The following ZNF883 variants were observed in gnomAD, a reference collection of about 807,000 sequenced individuals.
ZNF883 encodes the protein zinc finger protein 883.
downstream of ZNF883, among the ~76,000 whole-genome samples, chr9:112,995,013 C>G (rs1397034659): frequency 2.0e-5 from 3 of 152,122 alleles, no homozygotes; most frequent in Non-Finnish European, 4.4e-5. Flanking sequence ...AATAGCCCAT[C>G]ATGGTTAATT....
chr9:112,991,049 A>G (rs1389602348), intron 1 of ZNF883, among the ~76,000 whole-genome samples: 2 of 151,940 alleles, frequency 1.3e-5, no homozygotes, highest in African/African-American at 4.8e-5. Context: ...TTTTTCAAAA[A>G]CCAGCTCCTG....
chr9:113,007,921 A>G (rs575287840), intron 2 of ZNF883, among the ~76,000 whole-genome samples: 2 of 152,080 alleles, frequency 1.3e-5, no homozygotes, highest in East Asian at 3.9e-4. Flanking sequence ...ACTATTTCTG[A>G]AAAGAAAAAG....
At chr9:113,004,469 C>T (rs1305812599) in intron 2 of ZNF883, among the ~76,000 whole-genome samples, 1 of 151,830 alleles carries the variant, frequency 6.6e-6, no homozygotes, top group Non-Finnish European at 1.5e-5. Flanking sequence ...TTAGGTGAGG[C>T]CTTTGGGAGG....
chr9:113,012,190 G>C (rs992373204), exon 1 of ZNF883: 3 of 152,138 alleles, frequency 2.0e-5, no homozygotes, highest in Admixed American at 2.0e-4. Flanking sequence ...GGGCGATGTG[G>C]TTCCCAAGCC....
chr9:112,989,034 T>C (rs1459422411), intron 1 of ZNF883, among the ~76,000 whole-genome samples: 2 of 152,248 alleles, frequency 1.3e-5, no homozygotes, highest in East Asian at 1.9e-4. Flanking sequence ...ATTAGACCTT[T>C]GTCAAATGGA....
intron 2 of ZNF883, among the ~76,000 whole-genome samples, chr9:113,009,797 C>T (rs990253880): frequency 2.3e-4 from 35 of 152,188 alleles, no homozygotes; most frequent in Admixed American, 2.0e-4. Flanking sequence ...CATGAGCCAT[C>T]ACGCCCGGCC....
At chr9:112,999,927 G>A (rs1051608779), upstream of ZNF883, 7 of 152,140 alleles carry the variant, frequency 4.6e-5, no homozygotes, top group African/African-American at 1.7e-4. Flanking sequence ...TAACCCTCTA[G>A]TTGCTTGGTC....
downstream of ZNF883, among the ~76,000 whole-genome samples, chr9:112,995,713 T>G (rs1441245306): frequency 6.6e-6 from 1 of 151,972 alleles, no homozygotes; most frequent in Non-Finnish European, 1.5e-5. Context: ...TTAAGATAGG[T>G]TTTTGTTTAT....
At chr9:112,999,397 T>G (rs1006440985), upstream of ZNF883, among the ~76,000 whole-genome samples, 3 of 152,180 alleles carry the variant, frequency 2.0e-5, no homozygotes, top group East Asian at 3.8e-4. Context: ...GTTTCCATTC[T>G]GACCAATTCT....
At chr9:113,008,882 T>C (rs935886332) in intron 2 of ZNF883, among the ~76,000 whole-genome samples, 2 of 151,836 alleles carry the variant, frequency 1.3e-5, no homozygotes, top group African/African-American at 2.4e-5. Flanking sequence ...GGGGATGTGG[T>C]GGTGAGAGCA....
upstream of ZNF883, among the ~76,000 whole-genome samples, chr9:113,000,949 C>T (rs887376042): frequency 2.0e-5 from 3 of 152,004 alleles, no homozygotes; most frequent in South Asian, 2.1e-4. Context: ...CATGCATTTA[C>T]GTTAGGGAGC....
rs939900307 is a variant in ZNF883, at chr9:112,989,261, G to A, written n.310-5682C>T. Among the ~76,000 whole-genome samples the A allele has an allele frequency of 5.3e-5, 8 of 151,516 alleles. No homozygotes were observed. In the South Asian group the frequency reaches 1.7e-3, roughly 31 times the overall value. On this transcript the variant is annotated intron_variant and non_coding_transcript_variant, in intron 1 of 9. Transcript: ENST00000638823. Reference sequence around the variant, plus strand: ...TCTTCTAGGATATTTATAGTTTTGGGTTTTAAAGTCTTTAATCCATTTTGA... The same window carrying A: ...TCTTCTAGGATATTTATAGTTTTGGATTTTAAAGTCTTTAATCCATTTTGA...
chr9:112,995,384 CT>C (rs1828340737), downstream of ZNF883, among the ~76,000 whole-genome samples: 1 of 152,158 alleles, frequency 6.6e-6, no homozygotes, highest in Admixed American at 6.5e-5. Flanking sequence ...AGCTTGCTGA[CT>C]GCAGATCTTG....
chr9:112,991,757 G>A (rs1266520610), intron 1 of ZNF883, among the ~76,000 whole-genome samples: 1 of 152,088 alleles, frequency 6.6e-6, no homozygotes, highest in East Asian at 1.9e-4. Context: ...TATGAGTCTG[G>A]GTGCTCCGGT....
chr9:112,991,980 A>G (rs1046620413), intron 1 of ZNF883, among the ~76,000 whole-genome samples: 1 of 152,208 alleles, frequency 6.6e-6, no homozygotes, highest in African/African-American at 2.4e-5. Context: ...GTGTCTTTGC[A>G]TATGAGATGA....
upstream of ZNF883, chr9:112,999,638 C>A (rs1365641672): frequency 6.6e-6 from 1 of 152,258 alleles, no homozygotes; most frequent in South Asian, 2.1e-4. Flanking sequence ...GAATGGCTCA[C>A]AGAACTCAGG....
chr9:113,009,478 C>T (rs957154360), intron 2 of ZNF883, among the ~76,000 whole-genome samples: 1 of 151,980 alleles, frequency 6.6e-6, no homozygotes, highest in Non-Finnish European at 1.5e-5. Context: ...TCCCTAATCC[C>T]CCTCCCCTCC....
chr9:112,996,790 CAAAAAAAAAAAAAAAAAAA>C (rs61714600), downstream of ZNF883, among the ~76,000 whole-genome samples: 2 of 52,092 alleles, frequency 3.8e-5, no homozygotes, highest in African/African-American at 1.4e-4. Context: ...GACTCCGTCT[CAAAAAAAAAAAAAAAAAAA>C]AAAAAAAAAA....
chr9:112,998,189 C>T, exon 1 of ZNF883: 1 of 1,613,742 alleles, frequency 6.2e-7, no homozygotes, highest in Non-Finnish European at 8.5e-7. Flanking sequence ...GGATGCAAGA[C>T]AAGTGTAGCC....
Sources: gnomAD v4.1 joint callset for allele counts (sites outside exome capture counted in the v4.1 genomes callset) on GRCh38, gnomAD v4.1.1 for gene constraint, MANE v1.5 for transcripts, NCBI Gene and HGNC (gene_info 2026-07-23, HGNC 2026-07-21) for gene names.